The following ENPP6 variants were observed in gnomAD, a reference collection of about 807,000 sequenced individuals.
ENPP6 encodes ectonucleotide pyrophosphatase/phosphodiesterase 6.
Under a neutral mutation model 42.0 loss-of-function variants are expected in ENPP6, and 32 were observed. The ratio of observed to expected loss-of-function variants is 0.76; its 90% CI spans 0.58 to 1.02. ENPP6 has a LOEUF of 1.02. Among genes scored for constraint, ENPP6 ranks in the 50% least tolerant of loss-of-function variants. The probability of loss-of-function intolerance (pLI) is 0.00; values close to 1 mark genes in which losing one functional copy is unlikely to be tolerated. For missense variants in ENPP6, 552 were observed against 566.8 expected, an observed-to-expected ratio of 0.97 and a Z score of 0.27; for synonymous variants, 213 against 216.0, an observed-to-expected ratio of 0.99 and a Z score of 0.12.
intron 1 of ENPP6, among the ~76,000 whole-genome samples, chr4:184,159,775 A>G (rs903563567): frequency 9.2e-5 from 14 of 152,118 alleles, no homozygotes; most frequent in African/African-American, 2.9e-4. Context: ...ATTGTACCCA[A>G]TGTGTAGTCT....
intron 7 of ENPP6, 88 bp from the exon 8 acceptor site, chr4:184,091,470 C>A: frequency 8.0e-7 from 1 of 1,242,864 alleles, no homozygotes; most frequent in Non-Finnish European, 1.1e-6. Flanking sequence ...TACATTCAGG[C>A]TGCAGGTGAC....
chr4:184,177,311 C>T (rs1464520617), intron 1 of ENPP6, among the ~76,000 whole-genome samples: 2 of 152,204 alleles, frequency 1.3e-5, no homozygotes, highest in Admixed American at 1.3e-4. Flanking sequence ...TGGGGCCTCC[C>T]CGCAGGAATT....
chr4:184,114,044 C>A (rs536124697), intron 5 of ENPP6, among the ~76,000 whole-genome samples: 2 of 151,484 alleles, frequency 1.3e-5, no homozygotes, highest in African/African-American at 4.9e-5. Context: ...TGGCTCACTG[C>A]AACCTCCGAC....
At chr4:184,158,594 T>G (rs1464614178) in intron 1 of ENPP6, among the ~76,000 whole-genome samples, 1 of 152,232 alleles carries the variant, frequency 6.6e-6, no homozygotes, top group African/African-American at 2.4e-5. Flanking sequence ...TGTAAGAAAT[T>G]TATGAAGAAT....
At chr4:184,148,237 G>T (rs1464281869) in intron 2 of ENPP6, among the ~76,000 whole-genome samples, 1 of 152,094 alleles carries the variant, frequency 6.6e-6, no homozygotes, top group Non-Finnish European at 1.5e-5. Flanking sequence ...TCATTCCAAG[G>T]CCTTGAGTCA....
intron 1 of ENPP6, among the ~76,000 whole-genome samples, chr4:184,205,853 G>A (rs1477455961): frequency 6.6e-6 from 1 of 152,138 alleles, no homozygotes; most frequent in Non-Finnish European, 1.5e-5. Context: ...GAGATCAGGA[G>A]GAACCAAGGG....
chr4:184,183,301 T>G (rs906998398), intron 1 of ENPP6, among the ~76,000 whole-genome samples: 1 of 152,216 alleles, frequency 6.6e-6, no homozygotes, highest in African/African-American at 2.4e-5. Context: ...GTAAATAGCT[T>G]TTAATTTTAG....
intron 7 of ENPP6, 66 bp from the exon 8 acceptor site, chr4:184,091,448 A>G (rs1370528741): frequency 2.8e-6 from 4 of 1,415,994 alleles, no homozygotes; most frequent in Non-Finnish European, 2.9e-6. Context: ...GCTGAACGCA[A>G]TAAAGAAGAA....
Position 184,091,031 on chromosome 4 carries a change from G to A in ENPP6, c.*146C>T. The A allele has an allele frequency of 1.4e-6, 1 of 735,194 alleles. No individual in the cohort carries two copies. The highest frequency in any genetic ancestry group is 2.0e-6 in the Non-Finnish European group (1 of 505,666). 45.5% of individuals were successfully genotyped at this position (735,194 alleles called of 1,614,324 possible). A position where few individuals can be genotyped will look rare whatever the true frequency, so the allele number is the denominator to read the frequency against. ...TAACAAGTAGGAACTTTTATGTATA[G>A]AATTATCCAAGAATAATGTATTTAC... On this transcript the variant is annotated 3_prime_UTR_variant, in exon 8 of 8. Coordinates refer to ENST00000296741, the MANE Select transcript of ENPP6 (RefSeq NM_153343.4).
intron 1 of ENPP6, among the ~76,000 whole-genome samples, chr4:184,175,884 C>T (rs912991734): frequency 2.0e-5 from 3 of 152,030 alleles, no homozygotes; most frequent in Non-Finnish European, 2.9e-5. Context: ...AAAAGTGGCA[C>T]GTGTTTACGA....
intron 1 of ENPP6, among the ~76,000 whole-genome samples, chr4:184,197,475 G>T (rs1019593520): frequency 2.0e-5 from 3 of 152,242 alleles, no homozygotes; most frequent in Admixed American, 2.0e-4. Context: ...GGAAGAGAAT[G>T]CCTGGGCTTC....
intron 1 of ENPP6, among the ~76,000 whole-genome samples, chr4:184,186,919 C>T (rs1732641952): frequency 6.6e-6 from 1 of 152,120 alleles, no homozygotes; most frequent in African/African-American, 2.4e-5. Context: ...AAAGGTGAGC[C>T]CCACACTCAG....
chr4:184,130,996 T>C (rs1042732000), intron 2 of ENPP6, among the ~76,000 whole-genome samples: 3 of 152,212 alleles, frequency 2.0e-5, no homozygotes, highest in Non-Finnish European at 2.9e-5. Context: ...GTACACTTTC[T>C]TTGGTGCTCA....
intron 1 of ENPP6, among the ~76,000 whole-genome samples, chr4:184,211,562 C>T (rs1443636824): frequency 6.6e-6 from 1 of 152,178 alleles, no homozygotes; most frequent in Non-Finnish European, 1.5e-5. Context: ...TCTGAATAGA[C>T]CAATAACAGG....
chr4:184,123,232 CA>C (rs1325246735), intron 3 of ENPP6, among the ~76,000 whole-genome samples: 2 of 152,104 alleles, frequency 1.3e-5, no homozygotes, highest in Admixed American at 1.3e-4. Flanking sequence ...TATGATTGGT[CA>C]GCTCTGTATC....
chr4:184,150,710 G>A (rs1054409197), intron 2 of ENPP6, among the ~76,000 whole-genome samples: 2 of 152,234 alleles, frequency 1.3e-5, no homozygotes, highest in Non-Finnish European at 2.9e-5. Context: ...ATCCAGTTTA[G>A]AAGGACTAGA....
chr4:184,128,097 G>T (rs189086949), intron 2 of ENPP6, among the ~76,000 whole-genome samples: 4 of 152,258 alleles, frequency 2.6e-5, no homozygotes, highest in Non-Finnish European at 4.4e-5. Context: ...GTGAATAAAA[G>T]GAAGCAACCA....
chr4:184,145,181 C>T (rs552379029), intron 2 of ENPP6, among the ~76,000 whole-genome samples: 20 of 152,336 alleles, frequency 1.3e-4, no homozygotes, highest in Non-Finnish European at 2.2e-4. Flanking sequence ...CTGAGTGCAG[C>T]GTTGCATGTG....
At chr4:184,217,427 G>T in intron 1 of ENPP6, 152 bp downstream of exon 1, 1 of 1,165,274 alleles carries the variant, frequency 8.6e-7, no homozygotes, top group Non-Finnish European at 1.2e-6. Flanking sequence ...AGTCTTCTCA[G>T]CCAAGAACAC....
Sources: gnomAD v4.1 joint callset for allele counts (sites outside exome capture counted in the v4.1 genomes callset) on GRCh38, gnomAD v4.1.1 for gene constraint, MANE v1.5 for transcripts, NCBI Gene and HGNC (gene_info 2026-07-23, HGNC 2026-07-21) for gene names.